ABCB11: variants seen among roughly 807,000 people sequenced by gnomAD.
The protein encoded by ABCB11 is bile salt export pump.
A neutral mutation model predicts 148.0 loss-of-function variants in ABCB11; 95 were observed. The ratio of observed to expected loss-of-function variants is 0.64; its 90% CI spans 0.54 to 0.76. The LOEUF (loss-of-function observed/expected upper bound fraction) is 0.76, where lower values mean the gene tolerates loss of function less well. ABCB11 is among the 30% of genes least tolerant of loss of function. ABCB11 has a pLI of 0.00. For synonymous variants in ABCB11, 591 were observed against 555.4 expected (o/e 1.06, Z -0.90); for missense variants, 1,523 against 1,617.8 (o/e 0.94, Z 1.01).
chr2:168,982,942 A>T (rs1002330788), intron 10 of ABCB11, among the ~76,000 whole-genome samples: 4 of 152,188 alleles, frequency 2.6e-5, no homozygotes, highest in Non-Finnish European at 4.4e-5. Context: ...AATGTTAGAG[A>T]CCCATAGTAT....
chr2:168,938,972 C>T (rs1356758810), intron 21 of ABCB11, among the ~76,000 whole-genome samples: 1 of 151,682 alleles, frequency 6.6e-6, no homozygotes, highest in Admixed American at 6.6e-5. Context: ...GACTTTTTTT[C>T]ACTTATCAAT....
chr2:168,970,268 A>G (rs1693526221), intron 14 of ABCB11, 53 bp from the exon 15 acceptor site: 2 of 1,574,448 alleles, frequency 1.3e-6, no homozygotes, highest in Admixed American at 1.9e-5. Flanking sequence ...ATGGCTTCTG[A>G]CAGTGATCCA....
Position 168,995,374 on chromosome 2 carries a change from C to T in ABCB11, c.586G>A (p.Gly196Arg). ...TCAGAGAATCTTGTATTCAGCTCCC[C>T]CACTGAATTGCAGTCAAACCACCCT... ...EIGWFDCNSV[G>R]ELNTRFSDDI... Residue 196 changes from glycine (G) to arginine (R), a missense_variant, in exon 7 of 28, where the codon GGG becomes AGG. Transcript: ENST00000650372. 6.2e-7 allele frequency: 1 copy of T among 1,612,240 alleles called. No homozygotes were observed. The highest frequency in any genetic ancestry group is 8.5e-7 in the Non-Finnish European group (1 of 1,178,868).
intron 13 of ABCB11, 62 bp downstream of exon 13, chr2:168,973,653 A>G: frequency 1.9e-6 from 3 of 1,578,508 alleles, no homozygotes; most frequent in Middle Eastern, 3.4e-4. Context: ...CTGTTTGATC[A>G]ATATACTGCC....
At chr2:168,951,657 T>C (rs948519331) in intron 19 of ABCB11, among the ~76,000 whole-genome samples, 17 of 151,624 alleles carry the variant, frequency 1.1e-4, no homozygotes, top group African/African-American at 3.6e-4. Flanking sequence ...GTGAAGTCTT[T>C]AGGGTATTCT....
chr2:169,016,861 T>C, intron 2 of ABCB11, 62 bp from the exon 3 acceptor site: 1 of 1,305,542 alleles, frequency 7.7e-7, no homozygotes, highest in Non-Finnish European at 1.1e-6. Context: ...TGCAACGCAG[T>C]CATTAAGAAA....
intron 19 of ABCB11, among the ~76,000 whole-genome samples, chr2:168,952,144 G>T (rs1692595345): frequency 6.6e-6 from 1 of 151,400 alleles, no homozygotes; most frequent in African/African-American, 2.4e-5. Context: ...ATTTTGTTAA[G>T]GATTTTTACA....
At chr2:168,962,710 G>A (rs534773730) in intron 18 of ABCB11, among the ~76,000 whole-genome samples, 2 of 151,806 alleles carry the variant, frequency 1.3e-5, no homozygotes, top group Admixed American at 1.3e-4. Flanking sequence ...CTCCCCTGAA[G>A]CTCTATTAAA....
intron 5 of ABCB11, among the ~76,000 whole-genome samples, chr2:169,011,574 G>T (rs1007269304): frequency 2.6e-5 from 4 of 152,160 alleles, no homozygotes; most frequent in Non-Finnish European, 5.9e-5. Context: ...ATTATCCTGT[G>T]TTTTCTGTCA....
At chr2:169,015,309 CT>C (rs1240712210) in intron 3 of ABCB11, among the ~76,000 whole-genome samples, 1 of 152,156 alleles carries the variant, frequency 6.6e-6, no homozygotes, top group East Asian at 1.9e-4. Flanking sequence ...ACCTCACCAC[CT>C]TGTGAATGGA....
intron 10 of ABCB11, 54 bp downstream of exon 10, chr2:168,986,056 T>A: frequency 1.5e-6 from 2 of 1,361,950 alleles, no homozygotes; most frequent in Non-Finnish European, 1.9e-6. Context: ...ATCCATGGAC[T>A]TTTCTGAGAT....
At chr2:168,992,351 G>T (rs1694557069) in intron 8 of ABCB11, among the ~76,000 whole-genome samples, 1 of 152,030 alleles carries the variant, frequency 6.6e-6, no homozygotes, top group Non-Finnish European at 1.5e-5. Context: ...TGTGGCCTAT[G>T]ATCCACGTGA....
At position 168,979,672 on chromosome 2, in the gene ABCB11, CAAAAAAAAAAAAAAA is replaced by C. The variant is rs55859131; in HGVS notation, c.1197+179_1197+193del. The stretch of plus-strand genomic sequence containing the variant: ...GGGCAACAAGAGCGAAACTCCATCT[CAAAAAAAAAAAAAAA>C]AAAAAAAAAAAAGAATTGGCACCAG... On this transcript the variant is annotated intron_variant, in intron 11 of 27. Transcript: ENST00000650372. Among the ~76,000 whole-genome samples, 30 of 100,106 alleles carry C rather than the reference CAAAAAAAAAAAAAAA, an allele frequency of 3.0e-4. 1 individual carries two copies. Among genetic ancestry groups the C allele is most frequent in the African/African-American group, 1.1e-3 (28 of 26,266 alleles). The allele number at this position is 100,106 out of a possible 152,430, so 65.7% of individuals were successfully genotyped here.
intron 1 of ABCB11, among the ~76,000 whole-genome samples, chr2:169,028,568 C>T (rs917065236): frequency 1.4e-4 from 22 of 152,078 alleles, no homozygotes; most frequent in Non-Finnish European, 2.5e-4. Flanking sequence ...CTCAGGGAGG[C>T]GGATGGGCAA....
chr2:168,993,642 G>A (rs899190552), intron 8 of ABCB11, 69 bp downstream of exon 8: 2 of 1,446,716 alleles, frequency 1.4e-6, no homozygotes, highest in African/African-American at 1.4e-5. Flanking sequence ...AGGGACTCAA[G>A]CTTCACATTT....
intron 27 of ABCB11, among the ~76,000 whole-genome samples, chr2:168,924,195 C>T (rs960004286): frequency 6.6e-6 from 1 of 152,160 alleles, no homozygotes; most frequent in African/African-American, 2.4e-5. Context: ...AAAATGGAAT[C>T]CCGATTGTTA....
chr2:169,014,332 C>A lies in ABCB11; in HGVS notation c.121G>T (p.Asp41Tyr). 6.2e-7 allele frequency: 1 copy of A among 1,613,438 alleles called. No homozygotes were observed. Among genetic ancestry groups the A allele is most frequent in the Non-Finnish European group, 8.5e-7 (1 of 1,179,548 alleles). The change falls in exon 4 of 28, where the codon GAT becomes TAT. Residue 41 changes from aspartate to tyrosine, a missense_variant. Transcript: ENST00000650372. Reference protein sequence around the residue: ...KSRLQDEKKGDGVRVGFFQLF... With the variant: ...KSRLQDEKKGYGVRVGFFQLF... ...TGAAAGAAGCCAACTCTAACGCCAT[C>A]ACCTTTCTTCTCATCTTGTAACCTG...
chr2:168,930,985 A>G, intron 24 of ABCB11, 123 bp from the exon 25 acceptor site: 1 of 802,112 alleles, frequency 1.2e-6, no homozygotes, highest in Admixed American at 2.5e-5. Flanking sequence ...GCCAAAGTGC[A>G]AAGTATAAAG....
intron 5 of ABCB11, among the ~76,000 whole-genome samples, chr2:169,002,660 T>C (rs916136607): frequency 2.6e-5 from 4 of 152,298 alleles, no homozygotes; most frequent in African/African-American, 7.2e-5. Context: ...TATATCATGT[T>C]AAGTGAAATA....
Sources: allele counts gnomAD v4.1 joint callset (sites outside exome capture counted in the v4.1 genomes callset), GRCh38; gene constraint gnomAD v4.1.1; transcripts MANE v1.5; gene names NCBI Gene and HGNC (gene_info 2026-07-23, HGNC 2026-07-21).